The following OSTF1 variants were observed in gnomAD, a reference collection of about 807,000 sequenced individuals.
The protein encoded by OSTF1 is osteoclast stimulating factor 1, also known as osteoclast-stimulating factor 1.
Under a neutral mutation model 37.2 loss-of-function variants are expected in OSTF1, and 27 were observed. The observed-to-expected ratio is 0.73, with a 90% confidence interval of 0.54 to 1.00. The LOEUF is 1.00. Ranked by LOEUF, OSTF1 falls within the 50% of genes least tolerant of loss-of-function variation. The probability of loss-of-function intolerance (pLI) is 0.00; values close to 1 mark genes in which losing one functional copy is unlikely to be tolerated. For missense variants in OSTF1, 232 were observed against 253.8 expected (o/e 0.91, Z 0.58); for synonymous variants, 82 against 89.2 (o/e 0.92, Z 0.46).
At chr9:75,100,344 A>G (rs1457471550) in intron 1 of OSTF1, among the ~76,000 whole-genome samples, 3 of 152,090 alleles carry the variant, frequency 2.0e-5, no homozygotes, top group Non-Finnish European at 4.4e-5. Flanking sequence ...CATTGTCTCC[A>G]TTTCCTCCCT....
intron 3 of OSTF1, among the ~76,000 whole-genome samples, chr9:75,129,321 TTTTC>T (rs1382782984): frequency 3.3e-5 from 5 of 152,208 alleles, no homozygotes; most frequent in Non-Finnish European, 7.3e-5. Flanking sequence ...TTATTCTGTG[TTTTC>T]TTTATGAATT....
intron 1 of OSTF1, among the ~76,000 whole-genome samples, chr9:75,104,654 G>A (rs1825253600): frequency 1.3e-5 from 2 of 152,192 alleles, no homozygotes; most frequent in African/African-American, 4.8e-5. Context: ...TGCCAGTGAG[G>A]AGAAACACAA....
At chr9:75,093,235 C>T (rs1825014354) in intron 1 of OSTF1, among the ~76,000 whole-genome samples, 1 of 152,026 alleles carries the variant, frequency 6.6e-6, no homozygotes, top group Admixed American at 6.6e-5. Context: ...AGTACAACCT[C>T]TTAGTTTTAC....
intron 1 of OSTF1, among the ~76,000 whole-genome samples, chr9:75,090,268 A>G (rs910264174): frequency 2.6e-5 from 4 of 151,634 alleles, no homozygotes; most frequent in African/African-American, 9.7e-5. Context: ...AATGCTGTCT[A>G]TATTGCAAAT....
intron 9 of OSTF1, among the ~76,000 whole-genome samples, chr9:75,144,287 G>A (rs1587482982): frequency 6.6e-6 from 1 of 152,108 alleles, no homozygotes; most frequent in South Asian, 2.1e-4. Flanking sequence ...CAGGTGTGGC[G>A]GCTCACACCT....
intron 9 of OSTF1, among the ~76,000 whole-genome samples, chr9:75,144,345 G>A (rs531133474): frequency 2.0e-5 from 3 of 152,124 alleles, no homozygotes; most frequent in Non-Finnish European, 4.4e-5. Flanking sequence ...GCATCTGGGA[G>A]TTCAAGACTA....
Position 75,131,793 on chromosome 9 carries a change from G to A in OSTF1, c.220G>A (p.Asp74Asn). ...AGTGGCTGAGCAGGCAGAATCCATT[G>A]ACAATCCATTGCATGAAGCAGCAAA... ...NYVAEQAESIDNPLHEAAKRG... is the reference protein window; with the variant it reads ...NYVAEQAESINNPLHEAAKRG... The change falls in exon 5 of 10, where the codon GAC becomes AAC. Residue 74 changes from aspartate to asparagine, a missense_variant. Physicochemically the swap from Asp to Asn is conservative, Grantham distance 23. Transcript: ENST00000346234. 1 of 1,613,640 alleles carries A rather than the reference G, an allele frequency of 6.2e-7. No homozygotes were observed.
At chr9:75,128,389 T>TTTTTTTTGTCC (rs1221073344) in intron 3 of OSTF1, among the ~76,000 whole-genome samples, 2 of 98,220 alleles carry the variant, frequency 2.0e-5, no homozygotes, top group African/African-American at 4.2e-5. Context: ...TATATATATA[T>TTTTTTTTGTCC]ATATATATAT....
At chr9:75,108,332 C>T (rs59010554) in intron 1 of OSTF1, among the ~76,000 whole-genome samples, 19,166 of 151,638 alleles carry the variant, frequency 0.13, 1,647 homozygotes, top group African/African-American at 0.23. Context: ...CAATGTGTGC[C>T]TTTCTGATTT....
chr9:75,116,281 A>G (rs2118510418), intron 1 of OSTF1, among the ~76,000 whole-genome samples: 1 of 152,300 alleles, frequency 6.6e-6, no homozygotes, highest in South Asian at 2.1e-4. Flanking sequence ...GGTCTTGAAC[A>G]TCCATGGATT....
chr9:75,136,967 T>G lies in OSTF1; in HGVS notation c.409-571T>G, dbSNP rs1278056198. 2.0e-5 allele frequency among the ~76,000 whole-genome samples: 3 copies of G among 152,314 alleles called. No homozygotes were observed. In the East Asian group the frequency reaches 5.8e-4, roughly 29 times the overall value. On this transcript the variant is annotated intron_variant, in intron 7 of 9. Transcript: ENST00000346234. ...GAGAGAGGGGTCTTACTGTTCAGTC[T>G]GTAGGTTTTTTACCTAACCCTCAGG...
chr9:75,117,578 A>G (rs1324009317), intron 2 of OSTF1, 28 bp downstream of exon 2: 3 of 1,524,532 alleles, frequency 2.0e-6, no homozygotes, highest in Non-Finnish European at 1.8e-6. Flanking sequence ...AACTTCTAAA[A>G]TTGACAGAAA....
At chr9:75,093,822 A>T (rs538714192) in intron 1 of OSTF1, among the ~76,000 whole-genome samples, 2 of 152,292 alleles carry the variant, frequency 1.3e-5, no homozygotes, top group East Asian at 3.9e-4. Context: ...GATACTTTTT[A>T]TACCTGTTGG....
chr9:75,098,358 G>C (rs1328718743), intron 1 of OSTF1, among the ~76,000 whole-genome samples: 3 of 152,086 alleles, frequency 2.0e-5, no homozygotes, highest in African/African-American at 7.2e-5. Flanking sequence ...GGTTAGGAAG[G>C]GGGCATAATG....
In OSTF1 at chr9:75,110,678, A is replaced by G. The variant is rs114482977; in HGVS notation, c.35-6826A>G. Among the ~76,000 whole-genome samples the G allele has an allele frequency of 7.2e-3, 1,091 of 151,762 alleles. 11 individuals carry two copies. Among genetic ancestry groups the G allele is most frequent in the African/African-American group, 0.025 (1,030 of 41,382 alleles). Reference sequence around the variant, plus strand: ...TCATTCCTCTTGCTGTTTATCGTATATCTGTGTATCTGTCTCTTATAGTGA... The same window carrying G: ...TCATTCCTCTTGCTGTTTATCGTATGTCTGTGTATCTGTCTCTTATAGTGA... On this transcript the variant is annotated intron_variant, in intron 1 of 9. Coordinates refer to ENST00000346234, the MANE Select transcript of OSTF1 (RefSeq NM_012383.5).
At chr9:75,117,916 C>T (rs1825518107) in intron 2 of OSTF1, among the ~76,000 whole-genome samples, 1 of 152,208 alleles carries the variant, frequency 6.6e-6, no homozygotes, top group African/African-American at 2.4e-5. Flanking sequence ...CATAATGATA[C>T]CTACTGCTAA....
At chr9:75,106,284 A>T (rs1472136094) in intron 1 of OSTF1, among the ~76,000 whole-genome samples, 1 of 152,226 alleles carries the variant, frequency 6.6e-6, no homozygotes, top group African/African-American at 2.4e-5. Context: ...AAACTATTGG[A>T]CATTGTTATA....
At chr9:75,133,057 AT>A (rs148462722) in intron 5 of OSTF1, among the ~76,000 whole-genome samples, 5,597 of 151,992 alleles carry the variant, frequency 0.037, 135 homozygotes, top group African/African-American at 0.066. Context: ...AAGTATACCC[AT>A]TTGGGCAACT....
intron 2 of OSTF1, among the ~76,000 whole-genome samples, chr9:75,124,379 AT>A (rs980336991): frequency 9.2e-5 from 14 of 151,966 alleles, no homozygotes; most frequent in African/African-American, 3.1e-4. Context: ...TTCTTTCTAA[AT>A]TTTTTTTGTA....
Sources: allele counts gnomAD v4.1 joint callset (sites outside exome capture counted in the v4.1 genomes callset), GRCh38; gene constraint gnomAD v4.1.1; transcripts MANE v1.5; gene names NCBI Gene and HGNC (gene_info 2026-07-23, HGNC 2026-07-21).